Variants in PTPN13 observed in about 807,000 individuals in gnomAD.
The protein encoded by PTPN13 is tyrosine-protein phosphatase non-receptor type 13.
A neutral mutation model predicts 284.0 loss-of-function variants in PTPN13; 191 were observed. That is an observed-to-expected ratio of 0.67 (90% CI 0.60 to 0.76). The LOEUF (loss-of-function observed/expected upper bound fraction) is 0.76. Ranked by LOEUF, PTPN13 falls within the 30% of genes least tolerant of loss-of-function variation. PTPN13 has a pLI of 0.00. For synonymous variants in PTPN13, 986 were observed against 1,022.3 expected (o/e 0.96, Z 0.68); for missense variants, 2,797 against 2,939.9 (o/e 0.95, Z 1.12).
In PTPN13 at chr4:86,811,103, A is replaced by G; in HGVS notation, c.7357A>G (p.Thr2453Ala). The G allele has an allele frequency of 6.2e-7, 1 of 1,613,038 alleles. No individual in the cohort carries two copies. Among genetic ancestry groups the G allele is most frequent in the Non-Finnish European group, 8.5e-7 (1 of 1,179,240 alleles). Residue 2453 changes from threonine (T) to alanine (A), a missense_variant, in exon 47 of 48, where the codon ACA (threonine) becomes GCA (alanine). By Grantham distance (58) the Thr-to-Ala change is moderately conservative. Coordinates refer to ENST00000411767, the MANE Select transcript of PTPN13 (RefSeq NM_080683.3). ...ACTACAAAGACACGGAATGGTTCAG[A>G]CAGAGGTGAGTCATGGCTGGGCCTC... ...MRLQRHGMVQ[T>A]EDQYIFCYQV...
chr4:86,721,764 T>C (rs1349246191), intron 9 of PTPN13, among the ~76,000 whole-genome samples: 1 of 125,318 alleles, frequency 8.0e-6, no homozygotes, highest in African/African-American at 2.9e-5. Context: ...TCCTTTCCTC[T>C]CCTCTCTTCT....
intron 5 of PTPN13, among the ~76,000 whole-genome samples, chr4:86,691,828 C>A (rs1410455950): frequency 1.3e-5 from 2 of 152,150 alleles, no homozygotes; most frequent in East Asian, 3.9e-4. Flanking sequence ...TAGTCTTTCA[C>A]TGGTGTGAAA....
chr4:86,623,207 G>A lies in PTPN13; in HGVS notation c.-5-12045G>A, dbSNP rs187758080. Among the ~76,000 whole-genome samples, 274 of 152,212 alleles carry A rather than the reference G, an allele frequency of 1.8e-3. 1 individual carries two copies. The highest frequency in any genetic ancestry group is 5.2e-3 in the African/African-American group (217 of 41,536). On this transcript the variant is annotated intron_variant, in intron 1 of 47. Transcript: ENST00000411767. ...AAGTCATGGAGTCTAAAGACAGGCA[G>A]GTATGCAGTTCTGATGTCCAAGGCA...
intron 10 of PTPN13, among the ~76,000 whole-genome samples, chr4:86,730,930 A>G (rs757535515): frequency 2.0e-5 from 3 of 152,210 alleles, no homozygotes; most frequent in Non-Finnish European, 4.4e-5. Context: ...CTATTCGGCT[A>G]TCTTCCACTT....
intron 16 of PTPN13, 62 bp downstream of exon 16, chr4:86,741,878 C>T: frequency 2.9e-6 from 4 of 1,400,606 alleles, no homozygotes; most frequent in Admixed American, 2.2e-5. Context: ...TCCAATGTAA[C>T]ATATTAACAG....
chr4:86,721,306 A>T (rs954590566), intron 9 of PTPN13, among the ~76,000 whole-genome samples: 4 of 152,090 alleles, frequency 2.6e-5, no homozygotes, highest in African/African-American at 7.2e-5. Context: ...AGAGAGGGCC[A>T]TAAAATTACA....
At chr4:86,765,818 GT>G in intron 26 of PTPN13, among the ~76,000 whole-genome samples, 1 of 150,512 alleles carries the variant, frequency 6.6e-6, no homozygotes, top group East Asian at 2.0e-4. Context: ...ATCTACACTT[GT>G]TTTTTTTGTT....
intron 19 of PTPN13, among the ~76,000 whole-genome samples, chr4:86,751,563 G>A (rs1180393273): frequency 6.6e-6 from 1 of 152,052 alleles, no homozygotes; most frequent in Non-Finnish European, 1.5e-5. Flanking sequence ...CAAGGGGTCT[G>A]CCCACCTTGG....
intron 33 of PTPN13, 73 bp from the exon 34 acceptor site, chr4:86,775,098 G>T (rs1273244233): frequency 1.1e-5 from 12 of 1,083,742 alleles, no homozygotes; most frequent in Non-Finnish European, 1.6e-5. Flanking sequence ...GAGGATTATT[G>T]TATTTTCTTG....
At chr4:86,595,085 G>A (rs1382623392) in intron 1 of PTPN13, among the ~76,000 whole-genome samples, 1 of 152,152 alleles carries the variant, frequency 6.6e-6, no homozygotes, top group Non-Finnish European at 1.5e-5. Context: ...AACCCACAGG[G>A]GGAGTAAGAG....
Position 86,683,080 on chromosome 4 carries a change from T to C in PTPN13, c.295-3630T>C, listed in dbSNP as rs572676534. Reference sequence around the variant, plus strand: ...TGTCATTTTGCATATTTTATTTCTCTATAGAGATATTTCATACTTATATGT... The same window carrying C: ...TGTCATTTTGCATATTTTATTTCTCCATAGAGATATTTCATACTTATATGT... On this transcript the variant is annotated intron_variant, in intron 3 of 47. Coordinates refer to ENST00000411767, the MANE Select transcript of PTPN13 (RefSeq NM_080683.3). Among the ~76,000 whole-genome samples, 17 of 152,302 alleles carry C rather than the reference T, an allele frequency of 1.1e-4. 1 individual carries two copies. Among genetic ancestry groups the C allele is most frequent in the African/African-American group, 3.8e-4 (16 of 41,570 alleles).
intron 2 of PTPN13, among the ~76,000 whole-genome samples, chr4:86,640,805 A>G (rs953932347): frequency 6.6e-6 from 1 of 152,204 alleles, no homozygotes; most frequent in Non-Finnish European, 1.5e-5. Context: ...ACATATTGGC[A>G]CATTATAATT....
At chr4:86,773,378 C>T (rs956427975) in intron 32 of PTPN13, among the ~76,000 whole-genome samples, 3 of 151,986 alleles carry the variant, frequency 2.0e-5, no homozygotes, top group Non-Finnish European at 4.4e-5. Flanking sequence ...GATGAGTTAC[C>T]TATTTGATTT....
In PTPN13 at chr4:86,618,330, T is replaced by C. The variant is rs542698056; in HGVS notation, c.-5-16922T>C. ...TACCATGCTGTTTTGGTTACTGTAG[T>C]CTTGTAGTATAGTTTGAAGTCAGGT... is the stretch of plus-strand genomic sequence containing the variant. On this transcript the variant is annotated intron_variant, in intron 1 of 47. Transcript: ENST00000411767. Among the ~76,000 whole-genome samples, 1,434 of 152,266 alleles carry C rather than the reference T, an allele frequency of 9.4e-3. 13 individuals are homozygous for C. Among genetic ancestry groups the C allele is most frequent in the African/African-American group, 0.032 (1,315 of 41,564 alleles).
At chr4:86,775,679 G>T in intron 35 of PTPN13, 27 bp downstream of exon 35, 1 of 1,534,086 alleles carries the variant, frequency 6.5e-7, no homozygotes, top group South Asian at 1.2e-5. Context: ...TATGAGTTTT[G>T]ATTGTGCGTG....
At chr4:86,664,090 TA>T (rs914768269) in intron 2 of PTPN13, among the ~76,000 whole-genome samples, 5 of 152,148 alleles carry the variant, frequency 3.3e-5, no homozygotes, top group African/African-American at 1.2e-4. Flanking sequence ...GGAAACTTTT[TA>T]AAAATACTGT....
chr4:86,702,121 C>A (rs1453136657), intron 7 of PTPN13, among the ~76,000 whole-genome samples: 1 of 152,172 alleles, frequency 6.6e-6, no homozygotes, highest in Non-Finnish European at 1.5e-5. Context: ...TGCTTAAATT[C>A]TCCACCATAC....
At chr4:86,608,178 GGCCAGAAAAAAAT>G (rs1764962168) in intron 1 of PTPN13, among the ~76,000 whole-genome samples, 1 of 151,856 alleles carries the variant, frequency 6.6e-6, no homozygotes, top group South Asian at 2.1e-4. Flanking sequence ...CATTTAAAAA[GGCCAGAAAAAAAT>G]AGTGAGGGAC....
chr4:86,692,242 G>A (rs17453839), intron 5 of PTPN13, among the ~76,000 whole-genome samples: 23,590 of 152,078 alleles, frequency 0.16, 2,326 homozygotes, highest in East Asian at 0.29. Context: ...CAAAGATGTG[G>A]GATGTTAGTA....
Sources: allele counts gnomAD v4.1 joint callset (sites outside exome capture counted in the v4.1 genomes callset), GRCh38; gene constraint gnomAD v4.1.1; transcripts MANE v1.5; gene names NCBI Gene and HGNC (gene_info 2026-07-23, HGNC 2026-07-21).